Variants in FRMPD4 observed in about 807,000 individuals in gnomAD.
FRMPD4 encodes the protein FERM and PDZ domain containing 4, also known as FERM and PDZ domain-containing protein 4.
A neutral mutation model predicts 94.1 loss-of-function variants in FRMPD4; 22 were observed. The observed-to-expected ratio is 0.23, with a 90% CI of 0.17 to 0.33. The LOEUF is 0.33. FRMPD4 is among the 10% of genes least tolerant of loss of function. FRMPD4 has a pLI of 1.00. For missense variants in FRMPD4, 1,111 were observed against 1,339.9 expected, an observed-to-expected ratio of 0.83 and a Z score of 2.67; for synonymous variants, 631 against 548.6, an observed-to-expected ratio of 1.15 and a Z score of -2.10.
At chrX:12,663,303 C>T (rs1008487897) in intron 4 of FRMPD4, among the ~76,000 whole-genome samples, 2 of 111,924 alleles carry the variant, frequency 1.8e-5, no homozygotes, top group Non-Finnish European at 3.8e-5. Context: ...GCCTGGTTTG[C>T]CTCTAGGGTT....
intron 3 of FRMPD4, among the ~76,000 whole-genome samples, chrX:11,929,086 A>G (rs1020898531): frequency 8.9e-6 from 1 of 112,347 alleles, no homozygotes; most frequent in African/African-American, 3.2e-5. Flanking sequence ...GGAACAGCAC[A>G]CGCTGGGGAC....
At chrX:11,975,963 A>G (rs1027553976) in intron 3 of FRMPD4, among the ~76,000 whole-genome samples, 2 of 112,360 alleles carry the variant, frequency 1.8e-5, no homozygotes, top group Non-Finnish European at 3.8e-5. Flanking sequence ...CAGACAAGAC[A>G]TTTGCATTTT....
chrX:12,556,752 T>C (rs141072207), intron 2 of FRMPD4, among the ~76,000 whole-genome samples: 2 of 112,159 alleles, frequency 1.8e-5, no homozygotes, highest in African/African-American at 3.2e-5. Context: ...AAAGGATGCA[T>C]GTGTAGGAGC....
chrX:12,409,116 T>C (rs1255706447), intron 1 of FRMPD4, among the ~76,000 whole-genome samples: 1 of 111,483 alleles, frequency 9.0e-6, no homozygotes, highest in Non-Finnish European at 1.9e-5. Context: ...TGAGGTAACA[T>C]AAAAAAGTAC....
chrX:12,564,311 A>G (rs1283011326), intron 2 of FRMPD4, among the ~76,000 whole-genome samples: 1 of 112,620 alleles, frequency 8.9e-6, no homozygotes, highest in Non-Finnish European at 1.9e-5. Context: ...CCAGACTGGA[A>G]TAGGTATGCC....
intron 1 of FRMPD4, among the ~76,000 whole-genome samples, chrX:11,840,265 T>C (rs944305364): frequency 2.7e-5 from 3 of 111,782 alleles, no homozygotes; most frequent in Non-Finnish European, 3.8e-5. Context: ...TTTGTAGTTT[T>C]CAGTGTACAA....
At chrX:11,840,490 A>G (rs894350927) in intron 1 of FRMPD4, among the ~76,000 whole-genome samples, 2 of 110,543 alleles carry the variant, frequency 1.8e-5, no homozygotes, top group African/African-American at 3.3e-5. Context: ...GTGGAATCAT[A>G]TAACCTCAAA....
intron 1 of FRMPD4, among the ~76,000 whole-genome samples, chrX:12,468,405 TG>T (rs1372502751): frequency 8.9e-6 from 1 of 111,780 alleles, no homozygotes; most frequent in East Asian, 2.8e-4. Context: ...TTGCATAAAA[TG>T]AAAATTTAAC....
chrX:12,427,458 G>C (rs1418048270), intron 1 of FRMPD4, among the ~76,000 whole-genome samples: 1 of 111,050 alleles, frequency 9.0e-6, no homozygotes, highest in Admixed American at 9.6e-5. Context: ...TGAAAACAGA[G>C]GGATGGAGAC....
rs1463159498 is a variant in FRMPD4, at chrX:11,874,110, C to A, written c.-29-3785C>A. On this transcript the variant is annotated intron_variant, in intron 2 of 18. Transcript: ENST00000640291. ...TACTGAACATGTGAACATATAAATA[C>A]CTTTTTTTGTGTGTCATTATTCCCT... Among the ~76,000 whole-genome samples the A allele has an allele frequency of 2.7e-5, 3 of 112,147 alleles. No homozygotes were observed. The Admixed American group carries it at 2.8e-4, about 11-fold the overall frequency.
intron 2 of FRMPD4, among the ~76,000 whole-genome samples, chrX:11,877,344 C>T (rs1371905895): frequency 8.9e-6 from 1 of 111,860 alleles, no homozygotes; most frequent in Non-Finnish European, 1.9e-5. Context: ...GGCTTCACTC[C>T]AGCTCAGAGC....
At chrX:12,461,380 T>C (rs1032925346) in intron 1 of FRMPD4, among the ~76,000 whole-genome samples, 6 of 112,210 alleles carry the variant, frequency 5.3e-5, no homozygotes, top group African/African-American at 1.9e-4. Flanking sequence ...ATAAGTTCCT[T>C]GTGGCAATCT....
chrX:12,372,527 C>T (rs982004126), intron 1 of FRMPD4, among the ~76,000 whole-genome samples: 2 of 112,944 alleles, frequency 1.8e-5, no homozygotes, highest in African/African-American at 6.4e-5. Context: ...CCAGGACCTG[C>T]TGGAATGTTC....
At chrX:12,011,963 C>T (rs1426421342) in intron 3 of FRMPD4, among the ~76,000 whole-genome samples, 3 of 107,242 alleles carry the variant, frequency 2.8e-5, no homozygotes, top group Admixed American at 1.0e-4. Flanking sequence ...TGCAGTGGCG[C>T]GATCTCAACT....
At chrX:12,278,354 C>T (rs2054473973) in intron 1 of FRMPD4, among the ~76,000 whole-genome samples, 1 of 111,898 alleles carries the variant, frequency 8.9e-6, no homozygotes, top group African/African-American at 3.3e-5. Flanking sequence ...TCCCAGCCAC[C>T]TGTTCTCTGA....
At chrX:12,224,829 G>T (rs1426947417) in intron 1 of FRMPD4, among the ~76,000 whole-genome samples, 1 of 111,387 alleles carries the variant, frequency 9.0e-6, no homozygotes, top group Non-Finnish European at 1.9e-5. Context: ...GAATATATAT[G>T]AATAATATTA....
At chrX:12,554,524 T>C (rs920401336) in intron 2 of FRMPD4, among the ~76,000 whole-genome samples, 20 of 112,625 alleles carry the variant, frequency 1.8e-4, no homozygotes, top group African/African-American at 6.4e-4. Context: ...ATACAGTACA[T>C]TGTGTATAAG....
At chrX:12,094,152 A>G (rs1371784793) in intron 3 of FRMPD4, among the ~76,000 whole-genome samples, 1 of 112,131 alleles carries the variant, frequency 8.9e-6, no homozygotes, top group East Asian at 2.8e-4. Flanking sequence ...TTATTCATAA[A>G]GCCTCTCAAA....
chrX:12,255,978 A>G (rs188439245), intron 1 of FRMPD4, among the ~76,000 whole-genome samples: 3 of 112,424 alleles, frequency 2.7e-5, no homozygotes, highest in East Asian at 2.8e-4. Context: ...GCCAAGGGCA[A>G]TCTTCTGCAT....
Sources: gnomAD v4.1 joint callset for allele counts (sites outside exome capture counted in the v4.1 genomes callset) on GRCh38, gnomAD v4.1.1 for gene constraint, MANE v1.5 for transcripts, NCBI Gene and HGNC (gene_info 2026-07-23, HGNC 2026-07-21) for gene names.